NPNT: variants seen among roughly 807,000 people sequenced by gnomAD.
NPNT encodes nephronectin, also known as preosteoblast EGF-like repeat protein with MAM domain.
Under a neutral mutation model 68.6 loss-of-function variants are expected in NPNT, and 45 were observed. That is an observed-to-expected ratio of 0.66 (90% CI 0.52 to 0.84). NPNT has a LOEUF of 0.84. Among genes scored for constraint, NPNT ranks in the 40% least tolerant of loss-of-function variants. NPNT has a pLI of 0.00. For missense variants in NPNT, 672 were observed against 714.8 expected (o/e 0.94, Z 0.68); for synonymous variants, 233 against 253.3 (o/e 0.92, Z 0.76).
intron 2 of NPNT, among the ~76,000 whole-genome samples, chr4:105,916,016 C>G (rs529040312): frequency 2.6e-5 from 4 of 152,262 alleles, no homozygotes; most frequent in Admixed American, 2.6e-4. Flanking sequence ...AAAAATCTTT[C>G]CAGTTTACCG....
rs745438456 is a variant in NPNT, at chr4:105,895,603, A to G, written c.-50A>G. On this transcript the variant is annotated 5_prime_UTR_variant, in exon 1 of 12. Coordinates refer to ENST00000379987, the MANE Select transcript of NPNT (RefSeq NM_001033047.3). ...CCTCCCATCGGCGCCCACCACCCCA[A>G]CCTGTTCCTCGCGCGCCACTGCGCT... The G allele has an allele frequency of 3.0e-5, 45 of 1,502,730 alleles. No homozygotes were observed. The highest frequency in any genetic ancestry group is 3.3e-5 in the Non-Finnish European group (37 of 1,105,998). The allele number at this position is 1,502,730 out of a possible 1,614,324, so 93.1% of individuals were successfully genotyped here. A position where few individuals can be genotyped will look rare whatever the true frequency, so the allele number is the denominator to read the frequency against.
chr4:105,936,813 G>A (rs1459313905), intron 3 of NPNT, among the ~76,000 whole-genome samples, 196 bp from the exon 4 acceptor site: 2 of 152,284 alleles, frequency 1.3e-5, no homozygotes, highest in South Asian at 2.1e-4. Flanking sequence ...AGGTCATGGC[G>A]ACTCCTGGTT....
chr4:105,969,975 A>G lies in NPNT; in HGVS notation c.*985A>G, dbSNP rs1732456425. On this transcript the variant is annotated 3_prime_UTR_variant, in exon 12 of 12. Transcript: ENST00000379987. ...TCATAACATGGCTCTGGTAATATGT[A>G]GGAAGCTTTATAAAAGTTTTGGTTG... The G allele has an allele frequency of 6.0e-6, 1 of 166,786 alleles. No individual in the cohort carries two copies. 10.3% of individuals were successfully genotyped at this position (166,786 alleles called of 1,614,324 possible).
chr4:105,908,167 T>C (rs1396960149), intron 2 of NPNT, among the ~76,000 whole-genome samples: 4 of 151,990 alleles, frequency 2.6e-5, no homozygotes, highest in Admixed American at 2.6e-4. Context: ...TTATTTTTTA[T>C]TAGGAGACTT....
chr4:105,914,480 T>G (rs150316171), intron 2 of NPNT, among the ~76,000 whole-genome samples: 11,184 of 137,198 alleles, frequency 0.082, 545 homozygotes, highest in African/African-American at 0.14. Context: ...ATTATATATA[T>G]AGAGAGAGAG....
chr4:105,928,830 A>T (rs1482492749), intron 3 of NPNT, among the ~76,000 whole-genome samples: 1 of 152,188 alleles, frequency 6.6e-6, no homozygotes, highest in Non-Finnish European at 1.5e-5. Flanking sequence ...CTCATCTGAT[A>T]TAGAAATGAT....
chr4:105,920,626 G>T (rs1728191758), intron 2 of NPNT, among the ~76,000 whole-genome samples: 1 of 151,900 alleles, frequency 6.6e-6, no homozygotes, highest in African/African-American at 2.4e-5. Context: ...GCTAACTTGA[G>T]ATGCACATAT....
intron 2 of NPNT, among the ~76,000 whole-genome samples, chr4:105,911,172 G>A (rs1006492497): frequency 1.3e-5 from 2 of 151,616 alleles, no homozygotes; most frequent in African/African-American, 4.8e-5. Context: ...TCAAGATATG[G>A]TGAGTTCTTT....
chr4:105,932,786 A>G, intron 3 of NPNT: 1 of 970,050 alleles, frequency 1.0e-6, no homozygotes, highest in Non-Finnish European at 1.6e-6. Flanking sequence ...AAATGTTCTG[A>G]AGACTAGCCC....
intron 3 of NPNT, among the ~76,000 whole-genome samples, chr4:105,928,035 A>T (rs769969826): frequency 6.6e-6 from 1 of 152,220 alleles, no homozygotes; most frequent in Non-Finnish European, 1.5e-5. Flanking sequence ...TCTTTACAAC[A>T]ACATTAGGAA....
chr4:105,960,526 T>C (rs1450407300), intron 10 of NPNT, among the ~76,000 whole-genome samples: 2 of 152,168 alleles, frequency 1.3e-5, no homozygotes, highest in East Asian at 3.8e-4. Flanking sequence ...GAAATAGAGA[T>C]TTACTTAAAA....
chr4:105,919,945 T>C (rs1728119149), intron 2 of NPNT, among the ~76,000 whole-genome samples: 1 of 152,014 alleles, frequency 6.6e-6, no homozygotes, highest in Non-Finnish European at 1.5e-5. Flanking sequence ...GGTGAAAGTT[T>C]TAACATCTAT....
Position 105,948,138 on chromosome 4 carries a change from A to G in NPNT, c.1159+5436A>G, listed in dbSNP as rs547995074. ...ATGGTTTTTTTTCTTATCCTGATACAGCTTAATATAGCCATTGAAAATATT... is the reference window on the plus strand; with the variant it reads ...ATGGTTTTTTTTCTTATCCTGATACGGCTTAATATAGCCATTGAAAATATT... On this transcript the variant is annotated intron_variant, in intron 8 of 11. Transcript: ENST00000379987. Among the ~76,000 whole-genome samples the G allele has an allele frequency of 1.7e-3, 259 of 152,308 alleles. 1 individual carries two copies. Among genetic ancestry groups the G allele is most frequent in the African/African-American group, 6.0e-3 (250 of 41,574 alleles).
chr4:105,953,662 C>T (rs566332529), intron 8 of NPNT, among the ~76,000 whole-genome samples: 125 of 152,276 alleles, frequency 8.2e-4, no homozygotes, highest in Middle Eastern at 3.4e-3. Flanking sequence ...TTCATCCCTA[C>T]GCTCCAATCT....
At chr4:105,927,144 T>G in intron 2 of NPNT, 192 bp from the exon 3 acceptor site, 1 of 439,538 alleles carries the variant, frequency 2.3e-6, no homozygotes. Context: ...TACACACACA[T>G]ATACATACAT....
chr4:105,913,266 A>G (rs1302868159), intron 2 of NPNT, among the ~76,000 whole-genome samples: 2 of 152,240 alleles, frequency 1.3e-5, no homozygotes, highest in African/African-American at 4.8e-5. Context: ...AACAAAATTG[A>G]TAGTACTAGA....
chr4:105,952,451 CTT>C (rs1253204816), intron 8 of NPNT, among the ~76,000 whole-genome samples: 1 of 152,140 alleles, frequency 6.6e-6, no homozygotes, highest in Non-Finnish European at 1.5e-5. Flanking sequence ...TGACAATAGT[CTT>C]TTCAGAGATG....
intron 8 of NPNT, among the ~76,000 whole-genome samples, chr4:105,942,968 G>T (rs1433050243): frequency 6.6e-6 from 1 of 152,234 alleles, no homozygotes; most frequent in Non-Finnish European, 1.5e-5. Flanking sequence ...TTCTGACATA[G>T]TTGGATTTAC....
chr4:105,945,354 C>G (rs1322881085), intron 8 of NPNT, among the ~76,000 whole-genome samples: 1 of 152,096 alleles, frequency 6.6e-6, no homozygotes, highest in African/African-American at 2.4e-5. Context: ...AGACCTCTCC[C>G]CCAAACTCTA....
Sources: gnomAD v4.1 joint callset for allele counts (sites outside exome capture counted in the v4.1 genomes callset) on GRCh38, gnomAD v4.1.1 for gene constraint, MANE v1.5 for transcripts, NCBI Gene and HGNC (gene_info 2026-07-23, HGNC 2026-07-21) for gene names.